The following ZFR2 variants were observed in gnomAD, a reference collection of about 807,000 sequenced individuals.
ZFR2 encodes zinc finger RNA-binding protein 2.
In ZFR2, 104 loss-of-function variants were observed where a neutral mutation model predicts 105.7. That is an observed-to-expected ratio of 0.98 (90% CI 0.84 to 1.16). The LOEUF (loss-of-function observed/expected upper bound fraction) is 1.16, where lower values mean the gene tolerates loss of function less well. ZFR2 is among the 50% of genes most tolerant of loss of function. The pLI, the probability that ZFR2 is intolerant of heterozygous loss-of-function variation, is 0.00. For synonymous variants in ZFR2, 634 were observed against 597.7 expected (o/e 1.06, Z -0.89); for missense variants, 1,425 against 1,355.5 (o/e 1.05, Z -0.80).
chr19:3,832,841 G>A (rs2038034038), intron 3 of ZFR2, among the ~76,000 whole-genome samples: 1 of 151,356 alleles, frequency 6.6e-6, no homozygotes, highest in Admixed American at 6.6e-5. Context: ...GTCTTACTAT[G>A]TTGCCCAGGC....
chr19:3,811,397 G>T (rs756561490), intron 14 of ZFR2, 31 bp from the exon 15 acceptor site: 6 of 1,548,394 alleles, frequency 3.9e-6, no homozygotes, highest in Non-Finnish European at 5.2e-6. Flanking sequence ...AGGTGTGCGG[G>T]GAAGGTGCCT....
At position 3,811,456 on chromosome 19, in the gene ZFR2, G is replaced by A. The variant is rs1421246135; in HGVS notation, c.2243-90C>T. Reference sequence around the variant, plus strand: ...GTGAGGGGCTCAGTTTGGGCCCCTCGACGCTTTTTTTTTTTTGAGACACAG... The same window carrying A: ...GTGAGGGGCTCAGTTTGGGCCCCTCAACGCTTTTTTTTTTTTGAGACACAG... On this transcript the variant is annotated intron_variant, in intron 14 of 18. Coordinates refer to ENST00000262961, the MANE Select transcript of ZFR2 (RefSeq NM_015174.2). 33 of 1,205,754 alleles carry A rather than the reference G, an allele frequency of 2.7e-5. No homozygotes were observed. The East Asian group carries it at 6.0e-4, about 22-fold the overall frequency. 74.7% of individuals were successfully genotyped at this position (1,205,754 alleles called of 1,614,324 possible).
intron 1 of ZFR2, among the ~76,000 whole-genome samples, chr19:3,860,593 G>A (rs1249063302): frequency 6.6e-6 from 1 of 152,202 alleles, no homozygotes; most frequent in Non-Finnish European, 1.5e-5. Context: ...GGTCCCACGT[G>A]GAGCTGGCTG....
In ZFR2 at chr19:3,821,327, C is replaced by T. The variant is rs758244921; in HGVS notation, c.1631+13G>A. The T allele has an allele frequency of 1.8e-5, 28 of 1,570,218 alleles. No homozygotes were observed. The Middle Eastern group carries it at 2.5e-3, about 140-fold the overall frequency. ...CTCACCAGGCCCCCTTGCCAAGACC[C>T]GCAGCCGGGCACCTCCTCTCCGCGT... is the stretch of plus-strand genomic sequence containing the variant. On this transcript the variant is annotated intron_variant, in intron 10 of 18. Transcript: ENST00000262961.
At position 3,810,733 on chromosome 19, in the gene ZFR2, G is replaced by T; in HGVS notation, c.2433+17C>A. On this transcript the variant is annotated intron_variant, in intron 16 of 18. Transcript: ENST00000262961. ...GGGGGTCCCAGTGGAGGGCCGGGCC[G>T]CCAGGCACTGCCTTACCCAGGCTGG... 1 of 1,544,858 alleles carries T rather than the reference G, an allele frequency of 6.5e-7. No individual in the cohort carries two copies. Among genetic ancestry groups the T allele is most frequent in the Middle Eastern group, 1.8e-4 (1 of 5,482 alleles).
intron 1 of ZFR2, among the ~76,000 whole-genome samples, chr19:3,847,547 T>G (rs922104842): frequency 1.3e-5 from 2 of 152,182 alleles, no homozygotes; most frequent in African/African-American, 4.8e-5. Flanking sequence ...AAGTATTTTT[T>G]GAAAATAAGA....
intron 1 of ZFR2, among the ~76,000 whole-genome samples, chr19:3,839,816 T>C (rs146227686): frequency 0.011 from 1,683 of 152,208 alleles, 61 homozygotes; most frequent in Admixed American, 0.069. Flanking sequence ...TGTCTAATCA[T>C]GATTCTTAGA....
Position 3,809,001 on chromosome 19 carries a change from G to A in ZFR2, c.2434-18C>T, listed in dbSNP as rs1265882906. ...TCCATGGCCTGGTGGGGACAGAAGA[G>A]CAGTTGCTGTGTTTTGGGCGCGCGG... is the stretch of plus-strand genomic sequence containing the variant. On this transcript the variant is annotated intron_variant, in intron 16 of 18. Transcript: ENST00000262961. 6 of 1,526,926 alleles carry A rather than the reference G, an allele frequency of 3.9e-6. No homozygotes were observed. The African/African-American group carries it at 5.5e-5, about 14-fold the overall frequency. The allele number at this position is 1,526,926 out of a possible 1,614,324, so 94.6% of individuals were successfully genotyped here. A position where few individuals can be genotyped will look rare whatever the true frequency, so the allele number is the denominator to read the frequency against.
chr19:3,855,432 T>G, intron 1 of ZFR2: 1 of 1,231,688 alleles, frequency 8.1e-7, no homozygotes, highest in Non-Finnish European at 1.0e-6. Flanking sequence ...TCCCGGGCGA[T>G]CCGGCGGCAG....
At position 3,827,672 on chromosome 19, in the gene ZFR2, G is replaced by T; in HGVS notation, c.853-19C>A. 1 of 1,566,206 alleles carries T rather than the reference G, an allele frequency of 6.4e-7. No individual in the cohort carries two copies. The highest frequency in any genetic ancestry group is 2.4e-5 in the East Asian group (1 of 42,032). On this transcript the variant is annotated intron_variant, in intron 5 of 18. Transcript: ENST00000262961. Reference sequence around the variant, plus strand: ...GGTAGGTCTGCGGCAAGGGGTGAGAGGCAGCCTGGGCGGGGGTTTGCACAC... The same window carrying T: ...GGTAGGTCTGCGGCAAGGGGTGAGATGCAGCCTGGGCGGGGGTTTGCACAC...
chr19:3,806,022 C>G lies in ZFR2; in HGVS notation c.2747G>C (p.Arg916Pro). ...RLGARFRKRQ[R>P]GPGEGEEGAG... ...GCCCTCCTCTCCCTCGCCAGGTCCCCGTTGCCTCTTCCGGAAGCGGGCCCC... is the reference window on the plus strand; with the variant it reads ...GCCCTCCTCTCCCTCGCCAGGTCCCGGTTGCCTCTTCCGGAAGCGGGCCCC... Residue 916 changes from arginine to proline, a missense_variant, in exon 19 of 19, where the codon CGG (arginine) becomes CCG (proline). By Grantham distance (103) the Arg-to-Pro change is moderately radical. Transcript: ENST00000262961. The G allele has an allele frequency of 6.5e-7, 1 of 1,546,094 alleles. No homozygotes were observed. Among genetic ancestry groups the G allele is most frequent in the Non-Finnish European group, 8.7e-7 (1 of 1,146,918 alleles).
chr19:3,838,658 G>A lies in ZFR2; in HGVS notation c.54-3675C>T, dbSNP rs990691266. Among the ~76,000 whole-genome samples the A allele has an allele frequency of 1.3e-5, 2 of 152,146 alleles. No homozygotes were observed. Among genetic ancestry groups the A allele is most frequent in the African/African-American group, 4.8e-5 (2 of 41,422 alleles). ...CATCCCACCGATCCCATCCCCCCGT[G>A]TCTATGGCTCCCGTCCCCGCTGCCT... On this transcript the variant is annotated intron_variant, in intron 1 of 18. Transcript: ENST00000262961. This position sits in a 1 kb window ranked among gnomAD's most constrained non-coding sequence, Gnocchi z 4.9.
chr19:3,813,749 G>A lies in ZFR2; in HGVS notation c.2242+71C>T, dbSNP rs565701421. Reference sequence around the variant, plus strand: ...CAGGGCAGAGGCGGACGCTGCCCCAGGCCTGGGTGTGGGGAGCGCCCTGGG... The same window carrying A: ...CAGGGCAGAGGCGGACGCTGCCCCAAGCCTGGGTGTGGGGAGCGCCCTGGG... On this transcript the variant is annotated intron_variant, in intron 14 of 18. Coordinates refer to ENST00000262961, the MANE Select transcript of ZFR2 (RefSeq NM_015174.2). This position sits in a 1 kb window ranked among gnomAD's most constrained non-coding sequence, Gnocchi z 4.4. 1 of 1,588,348 alleles carries A rather than the reference G, an allele frequency of 6.3e-7. No homozygotes were observed. Among genetic ancestry groups the A allele is most frequent in the East Asian group, 2.2e-5 (1 of 44,660 alleles).
At chr19:3,827,715 C>T in intron 5 of ZFR2, 62 bp from the exon 6 acceptor site, 3 of 1,534,202 alleles carry the variant, frequency 2.0e-6, no homozygotes, top group Non-Finnish European at 1.8e-6. Flanking sequence ...TGTCCCCTCC[C>T]CTGCAGGCCC....
intron 8 of ZFR2, 36 bp from the exon 9 acceptor site, chr19:3,822,236 G>C (rs745414875): frequency 6.4e-7 from 1 of 1,550,860 alleles, no homozygotes. Flanking sequence ...CACCAGGCAC[G>C]AGGCGGGGTG....
Position 3,805,065 on chromosome 19 carries a change from T to C in ZFR2, c.*884A>G, listed in dbSNP as rs989287419. On this transcript the variant is annotated 3_prime_UTR_variant, in exon 19 of 19. Coordinates refer to ENST00000262961, the MANE Select transcript of ZFR2 (RefSeq NM_015174.2). ...TGGCTAATTTTTTGTAGAGATGGGG[T>C]GTCACCATATTGCCCAGACTGATCT... 2 of 151,654 alleles carry C rather than the reference T, an allele frequency of 1.3e-5. No individual in the cohort carries two copies. The highest frequency in any genetic ancestry group is 4.9e-5 in the African/African-American group (2 of 41,200). 9.4% of individuals were successfully genotyped at this position (151,654 alleles called of 1,614,324 possible).
chr19:3,817,299 C>A (rs1223131786), intron 12 of ZFR2, among the ~76,000 whole-genome samples: 2 of 152,022 alleles, frequency 1.3e-5, no homozygotes, highest in Non-Finnish European at 2.9e-5. Flanking sequence ...TGGCTCACGC[C>A]TGTAATCCCA....
intron 3 of ZFR2, among the ~76,000 whole-genome samples, chr19:3,832,701 G>C (rs867350590): frequency 1.3e-5 from 2 of 151,320 alleles, no homozygotes; most frequent in South Asian, 4.2e-4. Context: ...GCAGTGGTGC[G>C]ATCACAGCTC....
At chr19:3,829,385 G>A (rs2037986529) in intron 5 of ZFR2, among the ~76,000 whole-genome samples, 1 of 152,124 alleles carries the variant, frequency 6.6e-6, no homozygotes, top group East Asian at 1.9e-4. Flanking sequence ...GACTCTGGAA[G>A]GATACACACC....
Sources: gnomAD v4.1 joint callset for allele counts (sites outside exome capture counted in the v4.1 genomes callset) on GRCh38, gnomAD v4.1.1 for gene constraint, Gnocchi (gnomAD v3.1) non-coding constraint, MANE v1.5 for transcripts, NCBI Gene and HGNC (gene_info 2026-07-23, HGNC 2026-07-21) for gene names.